Variants in ZNF175 observed in about 807,000 individuals in gnomAD.
ZNF175 encodes the protein zinc finger protein OTK18.
ZNF175 carries 8 observed loss-of-function variants against 14.0 expected under a neutral mutation model. The observed-to-expected ratio is 0.57, with a 90% CI of 0.34 to 1.03. The LOEUF (loss-of-function observed/expected upper bound fraction) is 1.03, where lower values mean the gene tolerates loss of function less well. Ranked by LOEUF, ZNF175 falls within the 50% of genes least tolerant of loss-of-function variation. The pLI, the probability that ZNF175 is intolerant of heterozygous loss-of-function variation, is 0.03. For synonymous variants in ZNF175, 255 were observed against 296.8 expected (o/e 0.86, Z 1.45); for missense variants, 764 against 849.5 (o/e 0.90, Z 1.25).
At chr19:51,585,611 G>A (rs1982141512) in intron 4 of ZNF175, among the ~76,000 whole-genome samples, 1 of 152,130 alleles carries the variant, frequency 6.6e-6, no homozygotes, top group Admixed American at 6.6e-5. Context: ...GAAACTACAT[G>A]TGATGTTCAT....
intron 2 of ZNF175, 161 bp from the exon 3 acceptor site, chr19:51,581,230 T>A: frequency 2.0e-6 from 2 of 1,007,304 alleles, no homozygotes; most frequent in Non-Finnish European, 2.9e-6. Context: ...ATATTTCTCT[T>A]ATTTTTTTTT....
intron 4 of ZNF175, among the ~76,000 whole-genome samples, chr19:51,582,231 C>T (rs1428877639): frequency 6.6e-6 from 1 of 152,200 alleles, no homozygotes; most frequent in Non-Finnish European, 1.5e-5. Flanking sequence ...TAACACTTGG[C>T]ATTAACAAAA....
At chr19:51,572,968 A>G (rs1188550736) in intron 1 of ZNF175, among the ~76,000 whole-genome samples, 182 bp from the exon 2 acceptor site, 1 of 152,218 alleles carries the variant, frequency 6.6e-6, no homozygotes, top group Non-Finnish European at 1.5e-5. Context: ...GCAAAGCTGC[A>G]ATGAATTCAC....
intron 4 of ZNF175, among the ~76,000 whole-genome samples, chr19:51,583,098 G>A (rs62113342): frequency 0.17 from 26,020 of 152,064 alleles, 2,384 homozygotes; most frequent in Middle Eastern, 0.23. Flanking sequence ...CAGGTGTTCC[G>A]CCTGGCTTGG....
In ZNF175 at chr19:51,587,200, A is replaced by T. The variant is rs748092813; in HGVS notation, c.869A>T (p.Gln290Leu). The change falls in exon 5 of 5, where the codon CAG becomes CTG. Residue 290 changes from glutamine (Q) to leucine (L), a missense_variant. Coordinates refer to ENST00000262259, the MANE Select transcript of ZNF175 (RefSeq NM_007147.4). ...GCSECGGSFT[Q>L]KSHLFAQQRI... The stretch of plus-strand genomic sequence containing the variant: ...TCTGAATGTGGGGGGAGCTTCACCC[A>T]GAAGTCACACCTCTTTGCCCAACAG... The T allele has an allele frequency of 7.4e-6, 12 of 1,614,254 alleles. No individual in the cohort carries two copies. The South Asian group carries it at 1.3e-4, about 18-fold the overall frequency.
chr19:51,586,566 C>T, intron 4 of ZNF175, 61 bp from the exon 5 acceptor site: 1 of 1,496,212 alleles, frequency 6.7e-7, no homozygotes, highest in Non-Finnish European at 9.0e-7. Context: ...CAATCAGCTT[C>T]ATGCAGTTTC....
intron 2 of ZNF175, among the ~76,000 whole-genome samples, chr19:51,577,421 A>G (rs2122562553): frequency 6.6e-6 from 1 of 152,180 alleles, no homozygotes; most frequent in East Asian, 1.9e-4. Context: ...TCTTTCTGGA[A>G]GAATTTCTCA....
intron 4 of ZNF175, 91 bp downstream of exon 4, chr19:51,581,973 T>C: frequency 8.3e-7 from 1 of 1,206,890 alleles, no homozygotes; most frequent in Non-Finnish European, 1.2e-6. Flanking sequence ...ATTCCCCCAG[T>C]GATGGCCCGT....
Position 51,585,853 on chromosome 19 carries a change from G to A in ZNF175, c.296-774G>A, listed in dbSNP as rs1982149614. Among the ~76,000 whole-genome samples, 3 of 152,088 alleles carry A rather than the reference G, an allele frequency of 2.0e-5. No homozygotes were observed. In the South Asian group the frequency reaches 6.2e-4, roughly 31 times the overall value. On this transcript the variant is annotated intron_variant, in intron 4 of 4. Coordinates refer to ENST00000262259, the MANE Select transcript of ZNF175 (RefSeq NM_007147.4). The stretch of plus-strand genomic sequence containing the variant: ...GAACAATTAATTTCAATGGAACAAG[G>A]GTGAAACAAATTCTGGGGAACAGCT...
At position 51,581,393 on chromosome 19, in the gene ZNF175, A is replaced by G. The variant is rs1470876054; in HGVS notation, c.75A>G (p.Ala25=). 1.2e-6 allele frequency: 2 copies of G among 1,614,068 alleles called. No homozygotes were observed. Among genetic ancestry groups the G allele is most frequent in the Admixed American group, 3.3e-5 (2 of 59,996 alleles). Residue 25 remains alanine (A), a splice_region_variant and synonymous_variant, in exon 3 of 5, where the codon GCA becomes GCG. Transcript: ENST00000262259. ...TGAGCTGGGGTACACTGTTACAGGC[A>G]TCAGTGTCATTTGAGGACGTGACCG... The part of the protein sequence containing the change: ...GPEKQDGSCE[A]SVSFEDVTVD...
rs75474615 is a variant in ZNF175 at position 51,572,823 on chromosome 19, C to T, written c.-180-327C>T. 2.7e-3 allele frequency among the ~76,000 whole-genome samples: 406 copies of T among 152,284 alleles called. 16 individuals carry two copies. In the East Asian group the frequency reaches 0.046, roughly 17 times the overall value. ...TTCTTTTTTTAATTCATATTTATCA[C>T]GTGCCAGGCAGGCACTGAGGACTTG... On this transcript the variant is annotated intron_variant, in intron 1 of 4. Coordinates refer to ENST00000262259, the MANE Select transcript of ZNF175 (RefSeq NM_007147.4).
Position 51,587,419 on chromosome 19 carries a change from A to G in ZNF175, c.1088A>G (p.Tyr363Cys). Residue 363 changes from tyrosine (Y) to cysteine (C), a missense_variant, in exon 5 of 5, where the codon TAT becomes TGT. Tyr to Cys is a radical substitution (Grantham distance 194). Coordinates refer to ENST00000262259, the MANE Select transcript of ZNF175 (RefSeq NM_007147.4). Reference sequence around the variant, plus strand: ...AAAACACACACTAGAAAGAAGCCCTATAAATGCCATGACTGTGGAAAAGCC... The same window carrying G: ...AAAACACACACTAGAAAGAAGCCCTGTAAATGCCATGACTGTGGAAAAGCC... ...HQKTHTRKKP[Y>C]KCHDCGKAFF... 6.2e-7 allele frequency: 1 copy of G among 1,614,190 alleles called. No homozygotes were observed. Among genetic ancestry groups the G allele is most frequent in the Non-Finnish European group, 8.5e-7 (1 of 1,180,012 alleles).
chr19:51,587,940 G>A lies in ZNF175; in HGVS notation c.1609G>A (p.Gly537Arg), dbSNP rs752303605. 37 of 1,614,032 alleles carry A rather than the reference G, an allele frequency of 2.3e-5. No homozygotes were observed. In the Admixed American group the frequency reaches 3.5e-4, roughly 15 times the overall value. The change falls in exon 5 of 5, where the codon GGG (glycine) becomes AGG (arginine). Residue 537 changes from glycine (G) to arginine (R), a missense_variant. Transcript: ENST00000262259. ...AAGACACCATGTATGCAGTGAATGC[G>A]GGAAAGCCTTCAACCAGAAGTCAAT... ...GERHHVCSEC[G>R]KAFNQKSILS...
intron 2 of ZNF175, among the ~76,000 whole-genome samples, chr19:51,577,090 C>T (rs8109199): frequency 0.44 from 66,036 of 151,434 alleles, 14,671 homozygotes; most frequent in East Asian, 0.74. Flanking sequence ...CATATATGAG[C>T]ATGACATGAA....
chr19:51,577,101 A>T (rs114725909), intron 2 of ZNF175, among the ~76,000 whole-genome samples: 148 of 152,324 alleles, frequency 9.7e-4, no homozygotes, highest in African/African-American at 3.4e-3. Flanking sequence ...ATGACATGAA[A>T]GTGAAATGAT....
At position 51,588,218 on chromosome 19, in the gene ZNF175, G is replaced by A. The variant is rs544437088; in HGVS notation, c.1887G>A (p.Glu629=). The change falls in exon 5 of 5, where the codon GAG becomes GAA. Residue 629 remains glutamate, a synonymous_variant. Coordinates refer to ENST00000262259, the MANE Select transcript of ZNF175 (RefSeq NM_007147.4). ...KCGKAFVQKS[E]LITHQRTHMG... is the part of the protein sequence containing the mutation. ...GGAAGGCTTTTGTCCAGAAATCAGA[G>A]TTGATTACCCATCAAAGAACTCACA... is the stretch of plus-strand genomic sequence containing the variant. 6.2e-7 allele frequency: 1 copy of A among 1,614,060 alleles called. No homozygotes were observed. Among genetic ancestry groups the A allele is most frequent in the East Asian group, 2.2e-5 (1 of 44,884 alleles).
rs969323659 is a variant in ZNF175 at position 51,590,344 on chromosome 19, G to A, written c.*1877G>A. 1.3e-5 allele frequency: 2 copies of A among 152,258 alleles called. No homozygotes were observed. The highest frequency in any genetic ancestry group is 4.8e-5 in the African/African-American group (2 of 41,452). The allele number at this position is 152,258 out of a possible 1,614,324, so 9.4% of individuals were successfully genotyped here. On this transcript the variant is annotated 3_prime_UTR_variant, in exon 5 of 5. Coordinates refer to ENST00000262259, the MANE Select transcript of ZNF175 (RefSeq NM_007147.4). ...CATGCATTTGGTGTGAGAAGTGTGT[G>A]TGTGTTAAACCCTTGGAACTGCATG...
rs189985556 is a variant in ZNF175 at position 51,591,153 on chromosome 19, G to A, written c.*2686G>A. 3.7e-3 allele frequency: 565 copies of A among 152,626 alleles called. No individual in the cohort carries two copies. Among genetic ancestry groups the A allele is most frequent in the Non-Finnish European group, 6.6e-3 (451 of 68,328 alleles). The allele number at this position is 152,626 out of a possible 1,614,324, so 9.5% of individuals were successfully genotyped here. A position where few individuals can be genotyped will look rare whatever the true frequency, so the allele number is the denominator to read the frequency against. ...CTGGCCATCCCACACCTCTGACCTC[G>A]TGCCACTTCCGGGGCCTGTTGGCTT... On this transcript the variant is annotated 3_prime_UTR_variant, in exon 5 of 5. Coordinates refer to ENST00000262259, the MANE Select transcript of ZNF175 (RefSeq NM_007147.4).
In ZNF175 at chr19:51,572,213, A is replaced by T. The variant is rs57219903; in HGVS notation, c.-181+738A>T. On this transcript the variant is annotated intron_variant, in intron 1 of 4. Transcript: ENST00000262259. ...CATTTCTTGGCTATCAGGGCAGTAA[A>T]GATTTCAGAAGCCTGTGCCATGTCA... 2.6e-3 allele frequency among the ~76,000 whole-genome samples: 401 copies of T among 152,324 alleles called. 16 individuals are homozygous for T. In the East Asian group the frequency reaches 0.046, roughly 17 times the overall value.
Sources: gnomAD v4.1 joint callset for allele counts (sites outside exome capture counted in the v4.1 genomes callset) on GRCh38, gnomAD v4.1.1 for gene constraint, MANE v1.5 for transcripts, NCBI Gene and HGNC (gene_info 2026-07-23, HGNC 2026-07-21) for gene names.